STARD13: variants seen among roughly 807,000 people sequenced by gnomAD.
STARD13 encodes StAR related lipid transfer domain containing 13.
STARD13 carries 62 observed loss-of-function variants against 106.4 expected under a neutral mutation model. The ratio of observed to expected loss-of-function variants is 0.58; its 90% CI spans 0.48 to 0.72. The LOEUF is 0.72. STARD13 is among the 30% of genes least tolerant of loss of function. The pLI is 0.00. For missense variants in STARD13, 1,387 were observed against 1,424.0 expected (o/e 0.97, Z 0.42); for synonymous variants, 565 against 553.0 (o/e 1.02, Z -0.31).
the STARD13 span, among the ~76,000 whole-genome samples, chr13:33,392,485 C>T: frequency 1.3e-5 from 2 of 152,082 alleles, no homozygotes; most frequent in East Asian, 1.9e-4. Context: ...CTGCAACCTC[C>T]GTCTCCTGGA....
the STARD13 span, among the ~76,000 whole-genome samples, chr13:33,466,517 T>G: frequency 6.6e-6 from 1 of 152,184 alleles, no homozygotes; most frequent in Non-Finnish European, 1.5e-5. Flanking sequence ...CAGTAACCAT[T>G]GACCTTCCAA....
the STARD13 span, among the ~76,000 whole-genome samples, chr13:33,503,655 G>A: frequency 6.6e-6 from 1 of 152,292 alleles, no homozygotes; most frequent in African/African-American, 2.4e-5. Flanking sequence ...TAGTCATTCA[G>A]GAGCAGGTTG....
At chr13:33,417,675 A>G in the STARD13 span, among the ~76,000 whole-genome samples, 1 of 152,190 alleles carries the variant, frequency 6.6e-6, no homozygotes. Context: ...AAAAGACCAC[A>G]TACTGTACGA....
chr13:33,414,455 T>A, the STARD13 span, among the ~76,000 whole-genome samples: 6 of 152,116 alleles, frequency 3.9e-5, no homozygotes, highest in African/African-American at 1.4e-4. Flanking sequence ...AGAATACTAT[T>A]CAGCTATAAA....
At chr13:33,455,694 G>T in the STARD13 span, among the ~76,000 whole-genome samples, 5 of 152,246 alleles carry the variant, frequency 3.3e-5, no homozygotes, top group East Asian at 9.6e-4. Flanking sequence ...AGTACTGTGG[G>T]AGGCTGAGGT....
At chr13:33,569,531 T>C in the STARD13 span, among the ~76,000 whole-genome samples, 1 of 147,584 alleles carries the variant, frequency 6.8e-6, no homozygotes, top group Non-Finnish European at 1.5e-5. Context: ...AATAGTCTTA[T>C]ATAATTAGAG....
At chr13:33,610,592 C>T in the STARD13 span, among the ~76,000 whole-genome samples, 1 of 152,206 alleles carries the variant, frequency 6.6e-6, no homozygotes, top group East Asian at 1.9e-4. Flanking sequence ...TGGGCCAGGC[C>T]GCTTTGCCTT....
chr13:33,390,332 A>G, the STARD13 span, among the ~76,000 whole-genome samples: 27 of 152,254 alleles, frequency 1.8e-4, 1 homozygote, highest in African/African-American at 5.3e-4. Flanking sequence ...ACATGGGTCA[A>G]TTGCCTTAGG....
At chr13:33,661,133 A>G in the STARD13 span, 1 of 152,204 alleles carries the variant, frequency 6.6e-6, no homozygotes, top group East Asian at 1.9e-4. Flanking sequence ...TTCCATGAAC[A>G]TTACTCAAAG....
chr13:33,142,858 G>A lies in STARD13; in HGVS notation c.324-485C>T, dbSNP rs374477687. On this transcript the variant is annotated intron_variant, in intron 3 of 13. Coordinates refer to ENST00000336934, the MANE Select transcript of STARD13 (RefSeq NM_178006.4). Reference sequence around the variant, plus strand: ...ATACATGCTATAGGCTAACTATGCCGCTCCAGAACACATACGTTGAAGCCC... The same window carrying A: ...ATACATGCTATAGGCTAACTATGCCACTCCAGAACACATACGTTGAAGCCC... 2.5e-4 allele frequency among the ~76,000 whole-genome samples: 38 copies of A among 152,284 alleles called. No individual in the cohort carries two copies. In the South Asian group the frequency reaches 3.3e-3, roughly 13 times the overall value.
intron 1 of STARD13, among the ~76,000 whole-genome samples, chr13:33,309,341 C>T (rs111352734): frequency 1.2e-4 from 19 of 152,186 alleles, no homozygotes; most frequent in African/African-American, 2.2e-4. Context: ...CCAGAGAAAG[C>T]GGCAGAGCTG....
intron 1 of STARD13, among the ~76,000 whole-genome samples, chr13:33,295,882 C>A (rs1218617466): frequency 6.6e-6 from 1 of 151,816 alleles, no homozygotes; most frequent in Non-Finnish European, 1.5e-5. Flanking sequence ...CTATGTGATA[C>A]CCCTCCTTCA....
intron 4 of STARD13, among the ~76,000 whole-genome samples, chr13:33,139,963 T>C (rs1879595878): frequency 6.6e-6 from 1 of 152,202 alleles, no homozygotes; most frequent in Non-Finnish European, 1.5e-5. Context: ...CTCTCCAATT[T>C]ACAACATGAA....
At chr13:33,321,474 C>T (rs1333105917) in intron 1 of STARD13, among the ~76,000 whole-genome samples, 1 of 151,514 alleles carries the variant, frequency 6.6e-6, no homozygotes, top group Non-Finnish European at 1.5e-5. Flanking sequence ...CCACTGCACT[C>T]CAGCCAGAGC....
the STARD13 span, among the ~76,000 whole-genome samples, chr13:33,489,539 T>A: frequency 6.6e-6 from 1 of 152,178 alleles, no homozygotes; most frequent in Non-Finnish European, 1.5e-5. Flanking sequence ...GTGGGTCAAG[T>A]CCAATCAACT....
At chr13:33,339,649 C>T (rs149554574) in intron 1 of STARD13, among the ~76,000 whole-genome samples, 1 of 152,198 alleles carries the variant, frequency 6.6e-6, no homozygotes, top group African/African-American at 2.4e-5. Flanking sequence ...TAGCACAAAG[C>T]CTCTCTTCTT....
intron 1 of STARD13, among the ~76,000 whole-genome samples, chr13:33,236,639 G>A (rs754502173): frequency 6.6e-6 from 1 of 152,180 alleles, no homozygotes; most frequent in African/African-American, 2.4e-5. Context: ...GTGCATCTAT[G>A]TGGATACAGG....
intron 1 of STARD13, among the ~76,000 whole-genome samples, chr13:33,239,605 C>T (rs1173896448): frequency 6.6e-6 from 1 of 152,066 alleles, no homozygotes; most frequent in Non-Finnish European, 1.5e-5. Context: ...GGTGATATCT[C>T]ATTGTGGTTT....
rs146078463 is a variant in STARD13, at chr13:33,330,841, T to C, written c.124+19449A>G. Among the ~76,000 whole-genome samples the C allele has an allele frequency of 1.2e-3, 181 of 152,102 alleles. 4 individuals are homozygous for C. The East Asian group carries it at 0.028, about 24-fold the overall frequency. On this transcript the variant is annotated intron_variant, in intron 1 of 5. Coordinates refer to the STARD13 transcript ENST00000567873. ...AACCCAGAATTTCCAGGAGCTCTGG[T>C]AGGTTCTGCTAATTCAACAAAAGCC...
Sources: gnomAD v4.1 joint callset for allele counts (sites outside exome capture counted in the v4.1 genomes callset) on GRCh38, gnomAD v4.1.1 for gene constraint, MANE v1.5 for transcripts, NCBI Gene and HGNC (gene_info 2026-07-23, HGNC 2026-07-21) for gene names.